GOSR1: variants seen among roughly 807,000 people sequenced by gnomAD.
The protein encoded by GOSR1 is 28 kDa Golgi SNARE protein.
A neutral mutation model predicts 35.5 loss-of-function variants in GOSR1; 21 were observed. That is an observed-to-expected ratio of 0.59 (90% CI 0.42 to 0.85). The LOEUF is 0.85. GOSR1 is among the 40% of genes least tolerant of loss of function. The pLI is 0.00. For missense variants in GOSR1, 285 were observed against 309.6 expected (o/e 0.92, Z 0.60); for synonymous variants, 94 against 106.6 (o/e 0.88, Z 0.73).
rs1914955905 is a variant in GOSR1 at position 30,490,226 on chromosome 17, C to T, written c.434+9C>T. 8.0e-7 allele frequency: 1 copy of T among 1,249,318 alleles called. No homozygotes were observed. The highest frequency in any genetic ancestry group is 1.2e-6 in the Non-Finnish European group (1 of 848,892). The allele number at this position is 1,249,318 out of a possible 1,614,324, so 77.4% of individuals were successfully genotyped here. On this transcript the variant is annotated intron_variant, in intron 5 of 8. Transcript: ENST00000451249. ...GTACGAAAAGATATTGAGTAAGTTACTTTTTATATTATTTTGTAGAATATT... is the reference window on the plus strand; with the variant it reads ...GTACGAAAAGATATTGAGTAAGTTATTTTTTATATTATTTTGTAGAATATT...
rs752375290 is a variant in GOSR1 at position 30,527,097 on chromosome 17, C to T, written c.*4719C>T. 1 of 152,212 alleles carries T rather than the reference C, an allele frequency of 6.6e-6. No homozygotes were observed. The highest frequency in any genetic ancestry group is 2.4e-5 in the African/African-American group (1 of 41,444). The allele number at this position is 152,212 out of a possible 1,614,324, so 9.4% of individuals were successfully genotyped here. Reference sequence around the variant, plus strand: ...AATTGGCTGGGTGCAGTGGCTAACACCTGTAATCCCAGCAGTTCGAGAGGC... The same window carrying T: ...AATTGGCTGGGTGCAGTGGCTAACATCTGTAATCCCAGCAGTTCGAGAGGC... On this transcript the variant is annotated 3_prime_UTR_variant, in exon 9 of 9. Transcript: ENST00000451249.
chr17:30,481,514 T>A (rs1914347848), intron 2 of GOSR1, among the ~76,000 whole-genome samples: 1 of 152,072 alleles, frequency 6.6e-6, no homozygotes, highest in Admixed American at 6.5e-5. Context: ...AATAAGTTTG[T>A]ATCAAAAATA....
intron 7 of GOSR1, among the ~76,000 whole-genome samples, chr17:30,516,178 A>C (rs574152014): frequency 4.0e-5 from 6 of 151,722 alleles, no homozygotes; most frequent in African/African-American, 1.5e-4. Flanking sequence ...AAAACGGATA[A>C]AGAAAAAGTC....
intron 4 of GOSR1, chr17:30,485,157 T>C (rs1295619280): frequency 7.3e-6 from 2 of 274,318 alleles, no homozygotes; most frequent in East Asian, 1.7e-4. Context: ...TTACTATACT[T>C]AGTATATTGT....
intron 6 of GOSR1, among the ~76,000 whole-genome samples, chr17:30,495,956 T>TG (rs1966983424): frequency 6.6e-6 from 1 of 152,248 alleles, no homozygotes. Context: ...TAGCCCTGTT[T>TG]AGTTCTCATT....
intron 6 of GOSR1, among the ~76,000 whole-genome samples, chr17:30,494,664 G>A (rs530353568): frequency 3.0e-4 from 46 of 151,678 alleles, no homozygotes; most frequent in African/African-American, 1.0e-3. Context: ...CTGGAGTGTC[G>A]CGGTGTGATC....
chr17:30,503,271 G>T (rs1321958594), intron 6 of GOSR1, among the ~76,000 whole-genome samples: 2 of 152,100 alleles, frequency 1.3e-5, no homozygotes, highest in Non-Finnish European at 2.9e-5. Flanking sequence ...GTGTGTTGGG[G>T]GAAATAAGTT....
chr17:30,487,864 G>C (rs1401487269), intron 4 of GOSR1, among the ~76,000 whole-genome samples: 2 of 151,836 alleles, frequency 1.3e-5, no homozygotes, highest in Non-Finnish European at 2.9e-5. Context: ...CAGCCTCCAC[G>C]TCCTGGGTTC....
Position 30,523,404 on chromosome 17 carries a change from G to T in GOSR1, c.*1026G>T. 5.8e-6 allele frequency: 1 copy of T among 172,810 alleles called. No homozygotes were observed. Among genetic ancestry groups the T allele is most frequent in the South Asian group, 1.3e-4 (1 of 7,528 alleles). 10.7% of individuals were successfully genotyped at this position (172,810 alleles called of 1,614,324 possible). A position where few individuals can be genotyped will look rare whatever the true frequency, so the allele number is the denominator to read the frequency against. ...CTGGCCACCCCGTCTGAGAAGTGAG[G>T]AGACCTCCGCCCGGCAGCCGCCCTG... is the stretch of plus-strand genomic sequence containing the variant. On this transcript the variant is annotated 3_prime_UTR_variant, in exon 9 of 9. Transcript: ENST00000451249.
At chr17:30,496,285 C>T (rs1966996365) in intron 6 of GOSR1, among the ~76,000 whole-genome samples, 1 of 152,178 alleles carries the variant, frequency 6.6e-6, no homozygotes, top group Non-Finnish European at 1.5e-5. Flanking sequence ...CTCATTCCCG[C>T]TTTAGCCCAT....
intron 7 of GOSR1, among the ~76,000 whole-genome samples, chr17:30,517,083 A>C (rs1037269043): frequency 2.0e-5 from 3 of 152,212 alleles, no homozygotes; most frequent in Non-Finnish European, 2.9e-5. Context: ...AAAGTGATCT[A>C]AATCCTAGCA....
At chr17:30,519,861 C>A in intron 7 of GOSR1, 78 bp from the exon 8 acceptor site, 1 of 859,540 alleles carries the variant, frequency 1.2e-6, no homozygotes, top group Non-Finnish European at 1.9e-6. Flanking sequence ...CTGTAGTTTT[C>A]TTTCACTTTT....
At chr17:30,503,486 C>T (rs1424541904) in intron 6 of GOSR1, among the ~76,000 whole-genome samples, 1 of 152,156 alleles carries the variant, frequency 6.6e-6, no homozygotes, top group Non-Finnish European at 1.5e-5. Flanking sequence ...GACAATTCCA[C>T]TTGAATTATA....
intron 6 of GOSR1, among the ~76,000 whole-genome samples, chr17:30,501,246 G>A (rs552674955): frequency 2.7e-4 from 41 of 152,166 alleles, no homozygotes; most frequent in African/African-American, 9.4e-4. Context: ...TCTTAACCAA[G>A]GAAGATATAC....
chr17:30,478,416 G>C (rs1476317167), intron 1 of GOSR1: 1 of 152,180 alleles, frequency 6.6e-6, no homozygotes, highest in Non-Finnish European at 1.5e-5. Flanking sequence ...AATTTATCCA[G>C]ATTTGCCTAT....
chr17:30,494,055 C>T lies in GOSR1; in HGVS notation c.509+1302C>T, dbSNP rs558242162. Reference sequence around the variant, plus strand: ...TGCAGTAGGGTCGGACCTTTTATGGCTAGAACTATGTTTAAGCTTTTGCTT... The same window carrying T: ...TGCAGTAGGGTCGGACCTTTTATGGTTAGAACTATGTTTAAGCTTTTGCTT... On this transcript the variant is annotated intron_variant, in intron 6 of 8. Transcript: ENST00000451249. Among the ~76,000 whole-genome samples the T allele has an allele frequency of 2.2e-4, 33 of 152,170 alleles. 1 individual carries two copies. In the South Asian group the frequency reaches 3.7e-3, roughly 17 times the overall value.
intron 6 of GOSR1, among the ~76,000 whole-genome samples, chr17:30,497,436 C>T (rs1420357935): frequency 6.6e-6 from 1 of 152,148 alleles, no homozygotes; most frequent in African/African-American, 2.4e-5. Flanking sequence ...GGTGTGGACT[C>T]TATCTTTTTG....
At chr17:30,478,824 G>A (rs1914132536) in intron 1 of GOSR1, 3 of 152,076 alleles carry the variant, frequency 2.0e-5, no homozygotes, top group Admixed American at 2.0e-4. Flanking sequence ...CAAAGTGCTG[G>A]GATTACAGGT....
intron 6 of GOSR1, among the ~76,000 whole-genome samples, chr17:30,501,582 C>T (rs948731420): frequency 6.6e-6 from 1 of 151,930 alleles, no homozygotes; most frequent in African/African-American, 2.4e-5. Context: ...CTGCATCCTC[C>T]GCCTCCCGGG....
Sources: gnomAD v4.1 joint callset for allele counts (sites outside exome capture counted in the v4.1 genomes callset) on GRCh38, gnomAD v4.1.1 for gene constraint, MANE v1.5 for transcripts, NCBI Gene and HGNC (gene_info 2026-07-23, HGNC 2026-07-21) for gene names.